Variants in BNC2 observed in about 807,000 individuals in gnomAD.
The protein encoded by BNC2 is basonuclin zinc finger protein 2.
BNC2 carries 20 observed loss-of-function variants against 76.3 expected under a neutral mutation model. The observed-to-expected ratio is 0.26, with a 90% CI of 0.18 to 0.38. The LOEUF (loss-of-function observed/expected upper bound fraction) is 0.38, where lower values mean the gene tolerates loss of function less well. Among genes scored for constraint, BNC2 ranks in the 10% least tolerant of loss-of-function variants. The pLI, the probability that BNC2 is intolerant of heterozygous loss-of-function variation, is 1.00. For synonymous variants in BNC2, 582 were observed against 514.8 expected (o/e 1.13, Z -1.77); for missense variants, 1,382 against 1,399.8 (o/e 0.99, Z 0.20).
intron 1 of BNC2, among the ~76,000 whole-genome samples, chr9:16,820,612 G>C (rs1004820166): frequency 6.6e-6 from 1 of 152,084 alleles, no homozygotes; most frequent in African/African-American, 2.4e-5. Context: ...TGGGAAGCTT[G>C]TTACTCTCAG....
At chr9:16,580,296 A>G (rs1359842100) in intron 4 of BNC2, 9 of 397,084 alleles carry the variant, frequency 2.3e-5, no homozygotes, top group Non-Finnish European at 4.4e-6. Flanking sequence ...TGGGATTCAC[A>G]TGCTTGGGTG....
intron 1 of BNC2, among the ~76,000 whole-genome samples, chr9:16,812,429 G>A (rs1315824842): frequency 2.0e-5 from 3 of 152,190 alleles, no homozygotes; most frequent in African/African-American, 4.8e-5. Flanking sequence ...AAGGCCAGAC[G>A]CCAGCTCCAA....
At chr9:16,654,455 T>G (rs1033842061) in intron 3 of BNC2, among the ~76,000 whole-genome samples, 6 of 152,188 alleles carry the variant, frequency 3.9e-5, no homozygotes, top group African/African-American at 1.4e-4. Context: ...ATCTAAAATA[T>G]TTGCGCATGC....
chr9:16,473,792 G>A (rs923709723), intron 5 of BNC2, among the ~76,000 whole-genome samples: 4 of 152,160 alleles, frequency 2.6e-5, no homozygotes, highest in Non-Finnish European at 5.9e-5. Context: ...AGAATCACTC[G>A]AACCCAGGAG....
At chr9:16,665,434 A>AAAAGAAAGAAAGAAAGAAAGAAAG (rs56038950) in intron 3 of BNC2, among the ~76,000 whole-genome samples, 2 of 116,098 alleles carry the variant, frequency 1.7e-5, no homozygotes, top group African/African-American at 3.4e-5. Context: ...GAAAGGAAAG[A>AAAAGAAAGAAAGAAAGAAAGAAAG]AAAGAAAGAA....
intron 1 of BNC2, among the ~76,000 whole-genome samples, chr9:16,863,173 A>G (rs1274435081): frequency 2.0e-5 from 3 of 151,852 alleles, no homozygotes; most frequent in Admixed American, 1.3e-4. Context: ...TGAGCCTCCC[A>G]AAGTGCTGGG....
In BNC2 at chr9:16,864,950, A is replaced by G. The variant is rs115544042; in HGVS notation, c.3+5696T>C. 4.1e-3 allele frequency among the ~76,000 whole-genome samples: 624 copies of G among 151,848 alleles called. 6 individuals are homozygous for G. The highest frequency in any genetic ancestry group is 0.015 in the African/African-American group (603 of 41,406). On this transcript the variant is annotated intron_variant, in intron 1 of 6. Coordinates refer to ENST00000380672, the MANE Select transcript of BNC2 (RefSeq NM_017637.6). The stretch of plus-strand genomic sequence containing the variant: ...GATCCTTGGCTCAAGCAGAGAAAGG[A>G]CAGCACATCGTCGAGTCACAATATT...
In BNC2 at chr9:16,409,855, A is replaced by T. The variant is rs896549693; in HGVS notation, c.*9134T>A. ...ATCCCTTGGTGCAGTTACCTTTTGA[A>T]GTACAGACTTTGATTCTGCGGCAGG... On this transcript the variant is annotated 3_prime_UTR_variant, in exon 7 of 7. Coordinates refer to ENST00000380672, the MANE Select transcript of BNC2 (RefSeq NM_017637.6). 1 of 152,686 alleles carries T rather than the reference A, an allele frequency of 6.5e-6. No individual in the cohort carries two copies. The highest frequency in any genetic ancestry group is 1.5e-5 in the Non-Finnish European group (1 of 68,056). 9.5% of individuals were successfully genotyped at this position (152,686 alleles called of 1,614,324 possible).
intron 5 of BNC2, among the ~76,000 whole-genome samples, chr9:16,459,411 TA>T (rs773085544): frequency 1.3e-5 from 2 of 152,066 alleles, no homozygotes; most frequent in African/African-American, 2.4e-5. Context: ...GTCTTTAGGG[TA>T]AAGCTCTCTG....
At chr9:16,530,418 T>C (rs1018239906) in intron 5 of BNC2, among the ~76,000 whole-genome samples, 6 of 152,124 alleles carry the variant, frequency 3.9e-5, no homozygotes, top group Non-Finnish European at 7.4e-5. Flanking sequence ...TTCACCCCCT[T>C]CATGAGAATT....
chr9:16,775,322 A>G (rs931908139), intron 1 of BNC2, among the ~76,000 whole-genome samples: 2 of 152,118 alleles, frequency 1.3e-5, no homozygotes, highest in African/African-American at 4.8e-5. Context: ...TAAGAAGAGC[A>G]ATATACAGAA....
chr9:16,649,326 G>C (rs1229139568), intron 3 of BNC2, among the ~76,000 whole-genome samples: 1 of 152,150 alleles, frequency 6.6e-6, no homozygotes, highest in Non-Finnish European at 1.5e-5. Flanking sequence ...TTTTGAACAA[G>C]ACTTTCCCAG....
chr9:16,561,484 C>A (rs966413961), intron 4 of BNC2, among the ~76,000 whole-genome samples: 6 of 152,260 alleles, frequency 3.9e-5, no homozygotes, highest in Non-Finnish European at 7.4e-5. Context: ...TATGCAAACA[C>A]AAGGACCCAA....
chr9:16,694,486 T>A (rs1008334207), intron 3 of BNC2, among the ~76,000 whole-genome samples: 27 of 152,110 alleles, frequency 1.8e-4, no homozygotes, highest in Non-Finnish European at 2.9e-5. Flanking sequence ...CTTGGCCCAT[T>A]TGACATGAGT....
chr9:16,539,386 G>A (rs560222733), intron 5 of BNC2, among the ~76,000 whole-genome samples: 2 of 151,616 alleles, frequency 1.3e-5, no homozygotes, highest in African/African-American at 4.8e-5. Context: ...AAAATAGCCA[G>A]GTGTGGTGGC....
intron 1 of BNC2, among the ~76,000 whole-genome samples, chr9:16,859,285 A>T (rs1392517899): frequency 6.6e-6 from 1 of 152,190 alleles, no homozygotes; most frequent in Non-Finnish European, 1.5e-5. Context: ...TATAGAAAAC[A>T]GTATGGAGGT....
At chr9:16,535,657 T>C (rs1818109305) in intron 5 of BNC2, among the ~76,000 whole-genome samples, 1 of 152,090 alleles carries the variant, frequency 6.6e-6, no homozygotes. Flanking sequence ...CACTACCAAA[T>C]GAAGCTTCCT....
chr9:16,448,796 A>C (rs1821279432), intron 5 of BNC2, among the ~76,000 whole-genome samples: 1 of 152,198 alleles, frequency 6.6e-6, no homozygotes, highest in Non-Finnish European at 1.5e-5. Context: ...TCAGGGAACA[A>C]CACATTATTA....
At chr9:16,814,423 T>A (rs1201668383) in intron 1 of BNC2, among the ~76,000 whole-genome samples, 4 of 152,240 alleles carry the variant, frequency 2.6e-5, no homozygotes, top group Admixed American at 2.6e-4. Context: ...ACTCAAATAT[T>A]CAAAGGGCCT....
Sources: allele counts gnomAD v4.1 joint callset (sites outside exome capture counted in the v4.1 genomes callset), GRCh38; gene constraint gnomAD v4.1.1; transcripts MANE v1.5; gene names NCBI Gene and HGNC (gene_info 2026-07-23, HGNC 2026-07-21).